Variants in FAF1 observed in about 807,000 individuals in gnomAD.
FAF1 encodes Fas associated factor 1, also known as FAS-associated factor 1.
In FAF1, 25 loss-of-function variants were observed where a neutral mutation model predicts 92.5. The observed-to-expected ratio is 0.27, with a 90% CI of 0.20 to 0.38. The LOEUF (loss-of-function observed/expected upper bound fraction) is 0.38, where lower values mean the gene tolerates loss of function less well. Among genes scored for constraint, FAF1 ranks in the 10% least tolerant of loss-of-function variants. The probability of loss-of-function intolerance (pLI) is 1.00; values close to 1 mark genes in which losing one functional copy is unlikely to be tolerated. For synonymous variants in FAF1, 234 were observed against 273.2 expected (o/e 0.86, Z 1.42); for missense variants, 636 against 793.3 (o/e 0.80, Z 2.38).
At chr1:50,785,020 C>T (rs1010023285) in intron 4 of FAF1, among the ~76,000 whole-genome samples, 1 of 150,548 alleles carries the variant, frequency 6.6e-6, no homozygotes. Context: ...CATACACAAA[C>T]ATCATCTCAT....
intron 3 of FAF1, 150 bp from the exon 4 acceptor site, chr1:50,788,355 T>C: frequency 3.1e-6 from 2 of 650,982 alleles, no homozygotes; most frequent in Non-Finnish European, 5.3e-6. Context: ...TTCTACTTCC[T>C]CCATAAAATC....
At chr1:50,736,285 C>T (rs1659133285) in intron 6 of FAF1, among the ~76,000 whole-genome samples, 1 of 152,084 alleles carries the variant, frequency 6.6e-6, no homozygotes, top group African/African-American at 2.4e-5. Context: ...TTACAAATTA[C>T]AAATAAGATT....
intron 18 of FAF1, among the ~76,000 whole-genome samples, chr1:50,470,486 T>C (rs1420588464): frequency 6.6e-6 from 1 of 152,204 alleles, no homozygotes; most frequent in Non-Finnish European, 1.5e-5. Context: ...ATTTCAATGA[T>C]ATATTCTTAA....
chr1:50,885,810 G>A (rs1644657427), intron 1 of FAF1, among the ~76,000 whole-genome samples: 1 of 152,062 alleles, frequency 6.6e-6, no homozygotes, highest in African/African-American at 2.4e-5. Flanking sequence ...TTCTCTGGTA[G>A]TATGAGTTAA....
At chr1:50,735,888 T>G (rs1244829489) in intron 6 of FAF1, among the ~76,000 whole-genome samples, 2 of 152,114 alleles carry the variant, frequency 1.3e-5, no homozygotes, top group Non-Finnish European at 2.9e-5. Flanking sequence ...GGCTATTTCA[T>G]AAAAATTGTT....
intron 7 of FAF1, among the ~76,000 whole-genome samples, chr1:50,682,928 T>G (rs969269128): frequency 6.6e-6 from 1 of 151,524 alleles, no homozygotes; most frequent in Non-Finnish European, 1.5e-5. Context: ...CTGTCTCCAC[T>G]AAAATACAAA....
chr1:50,870,136 C>T (rs1644515436), intron 1 of FAF1, among the ~76,000 whole-genome samples: 1 of 152,218 alleles, frequency 6.6e-6, no homozygotes, highest in African/African-American at 2.4e-5. Context: ...TTACACTCTA[C>T]AGCACCGTGA....
At chr1:50,623,950 AG>A (rs1653336482) in intron 8 of FAF1, among the ~76,000 whole-genome samples, 2 of 152,064 alleles carry the variant, frequency 1.3e-5, no homozygotes, top group Admixed American at 1.3e-4. Flanking sequence ...AAAAAAACAA[AG>A]AAAGAAGAAG....
chr1:50,913,504 CA>C (rs1644900489), intron 1 of FAF1, among the ~76,000 whole-genome samples: 1 of 152,252 alleles, frequency 6.6e-6, no homozygotes, highest in African/African-American at 2.4e-5. Context: ...CAGATTTCTT[CA>C]AGATGTTAAC....
chr1:50,838,427 T>A (rs1301634282), intron 2 of FAF1, among the ~76,000 whole-genome samples: 1 of 149,844 alleles, frequency 6.7e-6, no homozygotes, highest in Non-Finnish European at 1.5e-5. Flanking sequence ...CATGTTAATG[T>A]AAATATAATT....
At chr1:50,925,893 C>T (rs558857582) in intron 1 of FAF1, among the ~76,000 whole-genome samples, 1 of 152,276 alleles carries the variant, frequency 6.6e-6, no homozygotes, top group Admixed American at 6.5e-5. Flanking sequence ...TTTATATACA[C>T]AATAGAATAC....
chr1:50,908,701 C>CTT (rs561269046), intron 1 of FAF1, among the ~76,000 whole-genome samples: 3 of 150,292 alleles, frequency 2.0e-5, no homozygotes, highest in African/African-American at 7.3e-5. Flanking sequence ...CAACCCCTGC[C>CTT]TTTTTTTTTG....
intron 2 of FAF1, among the ~76,000 whole-genome samples, chr1:50,826,482 A>C (rs921339425): frequency 6.6e-6 from 1 of 151,926 alleles, no homozygotes; most frequent in African/African-American, 2.4e-5. Context: ...CCTGGGAGGC[A>C]GAGATTGCAG....
At chr1:50,820,845 TA>T (rs767863202) in intron 2 of FAF1, among the ~76,000 whole-genome samples, 1 of 150,188 alleles carries the variant, frequency 6.7e-6, no homozygotes, top group Non-Finnish European at 1.5e-5. Flanking sequence ...GGCTGAATAA[TA>T]ATGTGTGTGT....
At chr1:50,528,480 G>C (rs1647960460) in intron 15 of FAF1, among the ~76,000 whole-genome samples, 2 of 152,122 alleles carry the variant, frequency 1.3e-5, no homozygotes, top group African/African-American at 4.8e-5. Context: ...ACTGACACTA[G>C]GGGTAAATGG....
intron 1 of FAF1, among the ~76,000 whole-genome samples, chr1:50,874,111 A>C (rs1285281754): frequency 1.3e-5 from 2 of 152,090 alleles, no homozygotes; most frequent in Non-Finnish European, 2.9e-5. Flanking sequence ...TGGTTCTAGT[A>C]CCTGACAATT....
In FAF1 at chr1:50,787,936, A is replaced by T. The variant is rs1239335223; in HGVS notation, c.367+64T>A. The T allele has an allele frequency of 8.3e-6, 12 of 1,439,672 alleles. No individual in the cohort carries two copies. In the Admixed American group the frequency reaches 1.5e-4, roughly 17 times the overall value. The allele number at this position is 1,439,672 out of a possible 1,614,324, so 89.2% of individuals were successfully genotyped here. A position where few individuals can be genotyped will look rare whatever the true frequency, so the allele number is the denominator to read the frequency against. On this transcript the variant is annotated intron_variant, in intron 4 of 18. Coordinates refer to ENST00000396153, the MANE Select transcript of FAF1 (RefSeq NM_007051.3). ...CTGGTAGTCAACTAGAAATAAAAAA[A>T]ATATAACCTGAATGTTTACCTAATT...
intron 2 of FAF1, among the ~76,000 whole-genome samples, chr1:50,830,659 T>A (rs1356003187): frequency 9.4e-6 from 1 of 106,342 alleles, no homozygotes; most frequent in Non-Finnish European, 1.9e-5. Flanking sequence ...CAGTGCTCAA[T>A]TTTTTTTTTT....
intron 7 of FAF1, among the ~76,000 whole-genome samples, chr1:50,688,148 TA>T (rs1208221852): frequency 2.0e-5 from 3 of 149,162 alleles, no homozygotes; most frequent in Non-Finnish European, 4.5e-5. Context: ...AAAAAATAAA[TA>T]AATAAATAAA....
Sources: gnomAD v4.1 joint callset for allele counts (sites outside exome capture counted in the v4.1 genomes callset) on GRCh38, gnomAD v4.1.1 for gene constraint, MANE v1.5 for transcripts, NCBI Gene and HGNC (gene_info 2026-07-23, HGNC 2026-07-21) for gene names.